TMEM219: variants seen among roughly 807,000 people sequenced by gnomAD.
The protein encoded by TMEM219 is transmembrane protein 219.
A neutral mutation model predicts 17.9 loss-of-function variants in TMEM219; 18 were observed. The ratio of observed to expected loss-of-function variants is 1.01; its 90% CI spans 0.70 to 1.49. The LOEUF is 1.49. Ranked by LOEUF, TMEM219 falls within the 40% of genes most tolerant of loss-of-function variation. The pLI is 0.00. For synonymous variants in TMEM219, 113 were observed against 124.0 expected (o/e 0.91, Z 0.59); for missense variants, 288 against 292.4 (o/e 0.99, Z 0.11).
Position 29,963,190 on chromosome 16 carries a change from A to G in TMEM219, c.47A>G (p.His16Arg), listed in dbSNP as rs369197997. Reference protein sequence around the residue: ...AGHNLHLCLAHHPPLVCATLI... With the variant: ...AGHNLHLCLARHPPLVCATLI... Reference sequence around the variant, plus strand: ...CACAACCTGCACCTGTGTCTGGCCCACCACCCACCTCTGGTCTGTGCCACT... The same window carrying G: ...CACAACCTGCACCTGTGTCTGGCCCGCCACCCACCTCTGGTCTGTGCCACT... The change falls in exon 2 of 6, where the codon CAC becomes CGC. Residue 16 changes from histidine to arginine, a missense_variant. His to Arg is a conservative substitution (Grantham distance 29, BLOSUM62 0). Transcript: ENST00000279396. 2 of 1,613,482 alleles carry G rather than the reference A, an allele frequency of 1.2e-6. No homozygotes were observed. The highest frequency in any genetic ancestry group is 1.7e-5 in the Admixed American group (1 of 60,002).
intron 4 of TMEM219, among the ~76,000 whole-genome samples, chr16:29,970,196 T>G (rs2069265337): frequency 6.6e-6 from 1 of 151,416 alleles, no homozygotes; most frequent in South Asian, 2.1e-4. Flanking sequence ...ATCATGCCAC[T>G]GCACTCCAGC....
At chr16:29,970,681 A>T (rs1001081050) in intron 4 of TMEM219, among the ~76,000 whole-genome samples, 1 of 152,054 alleles carries the variant, frequency 6.6e-6, no homozygotes, top group Non-Finnish European at 1.5e-5. Context: ...TGGAGTTATG[A>T]TGGGGTTTCA....
At position 29,963,476 on chromosome 16, in the gene TMEM219, G is replaced by A. The variant is rs199601574; in HGVS notation, c.242G>A (p.Arg81Gln). 99 of 1,614,218 alleles carry A rather than the reference G, an allele frequency of 6.1e-5. No homozygotes were observed. In the African/African-American group the frequency reaches 1.2e-3, roughly 20 times the overall value. The change falls in exon 3 of 6, where the codon CGA (arginine) becomes CAA (glutamine). Residue 81 changes from arginine (R) to glutamine (Q), a missense_variant. Coordinates refer to ENST00000279396, the MANE Select transcript of TMEM219 (RefSeq NM_001083613.2). ...PRNGTVTGKW[R>Q]GSHVVGLLTT... Reference sequence around the variant, plus strand: ...AATGGGACAGTCACAGGGAAGTGGCGAGGGTCTCACGTCGTGGGCTTGCTG... The same window carrying A: ...AATGGGACAGTCACAGGGAAGTGGCAAGGGTCTCACGTCGTGGGCTTGCTG...
At chr16:29,965,003 T>C (rs75369994) in intron 3 of TMEM219, among the ~76,000 whole-genome samples, 3,475 of 152,280 alleles carry the variant, frequency 0.023, 139 homozygotes, top group African/African-American at 0.08. Flanking sequence ...AGCATAGTTC[T>C]GTATGCCACA....
chr16:29,963,218 G>T lies in TMEM219; in HGVS notation c.75G>T (p.Leu25Phe). The T allele has an allele frequency of 1.2e-6, 2 of 1,613,968 alleles. No homozygotes were observed. Among genetic ancestry groups the T allele is most frequent in the Non-Finnish European group, 1.7e-6 (2 of 1,180,034 alleles). Residue 25 changes from leucine (L) to phenylalanine (F), a missense_variant, in exon 2 of 6, where the codon TTG becomes TTT. Coordinates refer to ENST00000279396, the MANE Select transcript of TMEM219 (RefSeq NM_001083613.2). ...AHHPPLVCAT[L>F]ILLLLGLSGL... ...ACCCACCTCTGGTCTGTGCCACTTTGATCCTGCTGCTCCTTGGCCTCTCTG... is the reference window on the plus strand; with the variant it reads ...ACCCACCTCTGGTCTGTGCCACTTTTATCCTGCTGCTCCTTGGCCTCTCTG...
intron 3 of TMEM219, 67 bp downstream of exon 3, chr16:29,963,656 G>T: frequency 6.8e-7 from 1 of 1,468,444 alleles, no homozygotes; most frequent in Non-Finnish European, 9.3e-7. Flanking sequence ...GCTAAGGTAG[G>T]TGGATCATTT....
In TMEM219 at chr16:29,968,298, C is replaced by A. The variant is rs369094511; in HGVS notation, c.585+44C>A. 15 of 1,495,160 alleles carry A rather than the reference C, an allele frequency of 1.0e-5. No individual in the cohort carries two copies. In the African/African-American group the frequency reaches 1.2e-4, roughly 12 times the overall value. 92.6% of individuals were successfully genotyped at this position (1,495,160 alleles called of 1,614,324 possible). The stretch of plus-strand genomic sequence containing the variant: ...TCGCCAGGGTTTTGTAGACTGCCTG[C>A]TGACTACTGTATCTTGAAGGTCCCT... On this transcript the variant is annotated intron_variant, in intron 4 of 5. Coordinates refer to ENST00000279396, the MANE Select transcript of TMEM219 (RefSeq NM_001083613.2).
At chr16:29,971,306 C>T (rs1201193075) in intron 4 of TMEM219, 102 bp from the exon 5 acceptor site, 2 of 1,172,706 alleles carry the variant, frequency 1.7e-6, no homozygotes, top group African/African-American at 3.1e-5. Flanking sequence ...CCTTCAGTTG[C>T]TCCCTAGATG....
At chr16:29,966,385 GTTAC>G (rs1306492301) in intron 3 of TMEM219, among the ~76,000 whole-genome samples, 1 of 151,862 alleles carries the variant, frequency 6.6e-6, no homozygotes, top group Non-Finnish European at 1.5e-5. Context: ...TTTTCAATAT[GTTAC>G]TTGTTTTTTT....
rs767516891 is a variant in TMEM219, at chr16:29,963,475, C to T, written c.241C>T (p.Arg81Ter). ...GAATGGGACAGTCACAGGGAAGTGG[C>T]GAGGGTCTCACGTCGTGGGCTTGCT... Reference protein sequence around the residue: ...PRNGTVTGKWRGSHVVGLLTT... With the variant: ...PRNGTVTGKW Residue 81 changes from arginine to a stop codon, truncating the protein, a stop_gained, in exon 3 of 6, where the codon CGA becomes TGA. Coordinates refer to ENST00000279396, the MANE Select transcript of TMEM219 (RefSeq NM_001083613.2). LOFTEE classifies it high-confidence loss of function. 1.1e-5 allele frequency: 18 copies of T among 1,614,050 alleles called. No individual in the cohort carries two copies. The highest frequency in any genetic ancestry group is 9.9e-5 in the South Asian group (9 of 91,090).
In TMEM219 at chr16:29,968,141, A is replaced by G; in HGVS notation, c.472A>G (p.Ile158Val). ...AATCCTACCCTCCAGCCAGCCACCC[A>G]TATCCTGCTCAGAGGAGGGGGCTGG... ...PGILPSSQPP[I>V]SCSEEGAGNA... is the part of the protein sequence containing the mutation. Residue 158 changes from isoleucine to valine, a missense_variant, in exon 4 of 6, where the codon ATA becomes GTA. By Grantham distance (29) the Ile-to-Val change is conservative (BLOSUM62 3). Transcript: ENST00000279396. 1 of 1,614,120 alleles carries G rather than the reference A, an allele frequency of 6.2e-7. No homozygotes were observed. Among genetic ancestry groups the G allele is most frequent in the Non-Finnish European group, 8.5e-7 (1 of 1,180,020 alleles).
At chr16:29,968,746 A>G (rs2069245789) in intron 4 of TMEM219, among the ~76,000 whole-genome samples, 1 of 152,216 alleles carries the variant, frequency 6.6e-6, no homozygotes, top group African/African-American at 2.4e-5. Context: ...ACCAGAGAGC[A>G]TTGTGCACAG....
chr16:29,969,281 C>G (rs2069251596), intron 4 of TMEM219, among the ~76,000 whole-genome samples: 1 of 148,920 alleles, frequency 6.7e-6, no homozygotes, highest in East Asian at 2.0e-4. Flanking sequence ...ACTGCAAGCT[C>G]CACCTCACAG....
Position 29,968,104 on chromosome 16 carries a change from T to C in TMEM219, c.435T>C (p.Ser145=), listed in dbSNP as rs1181916281. 2.5e-6 allele frequency: 4 copies of C among 1,614,156 alleles called. No homozygotes were observed. The highest frequency in any genetic ancestry group is 3.3e-5 in the Admixed American group (2 of 60,018). ...CTGCAGGAACCTGCCTATATTTTAG[T>C]GCTGTTCCAGGAATCCTACCCTCCA... The part of the protein sequence containing the change: ...ERTAGTCLYF[S]AVPGILPSSQ... The change falls in exon 4 of 6, where the codon AGT becomes AGC. Residue 145 remains serine, a synonymous_variant. Coordinates refer to ENST00000279396, the MANE Select transcript of TMEM219 (RefSeq NM_001083613.2).
At chr16:29,967,292 A>G (rs184526005) in intron 3 of TMEM219, among the ~76,000 whole-genome samples, 14 of 152,288 alleles carry the variant, frequency 9.2e-5, no homozygotes, top group Admixed American at 6.5e-4. Context: ...ATGCCAAAAC[A>G]CCTGGTATTA....
chr16:29,970,171 T>C (rs937205964), intron 4 of TMEM219, among the ~76,000 whole-genome samples: 2 of 149,072 alleles, frequency 1.3e-5, no homozygotes, highest in African/African-American at 2.5e-5. Context: ...GAGGCAGAGG[T>C]TGTAGTGAGC....
chr16:29,971,315 T>C, intron 4 of TMEM219, 93 bp from the exon 5 acceptor site: 1 of 1,368,214 alleles, frequency 7.3e-7, no homozygotes, highest in South Asian at 1.2e-5. Flanking sequence ...GCTCCCTAGA[T>C]GTGGAGAGCC....
chr16:29,965,004 G>C (rs2069195218), intron 3 of TMEM219, among the ~76,000 whole-genome samples: 1 of 152,048 alleles, frequency 6.6e-6, no homozygotes, highest in South Asian at 2.1e-4. Flanking sequence ...GCATAGTTCT[G>C]TATGCCACAA....
rs1488081702 is a variant in TMEM219 at position 29,963,251 on chromosome 16, C to T, written c.108C>T (p.Gly36=). 1.2e-6 allele frequency: 2 copies of T among 1,613,914 alleles called. No individual in the cohort carries two copies. The highest frequency in any genetic ancestry group is 1.3e-5 in the African/African-American group (1 of 74,946). Residue 36 remains glycine, a synonymous_variant, in exon 2 of 6, where the codon GGC becomes GGT. Coordinates refer to ENST00000279396, the MANE Select transcript of TMEM219 (RefSeq NM_001083613.2). ...TGCTCCTTGGCCTCTCTGGCCTGGGCCTTGGCAGCTTCCTCCTCACCCACA... is the reference window on the plus strand; with the variant it reads ...TGCTCCTTGGCCTCTCTGGCCTGGGTCTTGGCAGCTTCCTCCTCACCCACA... ...ILLLLGLSGL[G]LGSFLLTHRT... is the part of the protein sequence containing the mutation.
Sources: allele counts gnomAD v4.1 joint callset (sites outside exome capture counted in the v4.1 genomes callset), GRCh38; gene constraint gnomAD v4.1.1; transcripts MANE v1.5; gene names NCBI Gene and HGNC (gene_info 2026-07-23, HGNC 2026-07-21).